CHSY1: variants seen among roughly 807,000 people sequenced by gnomAD.
CHSY1 encodes N-acetylgalactosaminyl-proteoglycan 3-beta-glucuronosyltransferase 1.
CHSY1 carries 13 observed loss-of-function variants against 59.8 expected under a neutral mutation model. The ratio of observed to expected loss-of-function variants is 0.22; its 90% confidence interval spans 0.14 to 0.35. The LOEUF is 0.35. CHSY1 is among the 10% of genes least tolerant of loss of function. CHSY1 has a pLI of 1.00. For missense variants in CHSY1, 947 were observed against 1,030.6 expected (o/e 0.92, Z 1.11); for synonymous variants, 459 against 401.2 (o/e 1.14, Z -1.72).
chr15:101,231,059 C>G (rs2038887796), intron 2 of CHSY1, among the ~76,000 whole-genome samples: 2 of 152,078 alleles, frequency 1.3e-5, no homozygotes, highest in Admixed American at 6.5e-5. Context: ...CCTTCCAGGC[C>G]TAGAGTGGTA....
At chr15:101,231,903 T>C (rs1304142587) in intron 2 of CHSY1, among the ~76,000 whole-genome samples, 1 of 152,230 alleles carries the variant, frequency 6.6e-6, no homozygotes, top group African/African-American at 2.4e-5. Context: ...GCTGACACCA[T>C]GTGGCAAGGG....
intron 2 of CHSY1, among the ~76,000 whole-genome samples, chr15:101,183,448 G>A (rs1026153622): frequency 2.0e-5 from 3 of 152,186 alleles, no homozygotes; most frequent in Non-Finnish European, 4.4e-5. Context: ...CTTCAGAAGT[G>A]GGAGGAGTGG....
At chr15:101,208,225 T>C (rs1037230968) in intron 2 of CHSY1, among the ~76,000 whole-genome samples, 4 of 151,622 alleles carry the variant, frequency 2.6e-5, no homozygotes, top group Admixed American at 6.6e-5. Flanking sequence ...TGCTCAGGAG[T>C]GGGCCAGCCA....
intron 2 of CHSY1, among the ~76,000 whole-genome samples, chr15:101,207,441 A>G (rs1250587668): frequency 6.6e-6 from 1 of 152,192 alleles, no homozygotes; most frequent in African/African-American, 2.4e-5. Context: ...AATACCTTCT[A>G]GTATGTTATA....
In CHSY1 at chr15:101,235,519, T is replaced by G. The variant is rs757871506; in HGVS notation, c.379A>C (p.Thr127Pro). ...GGCACTACTGGAATTGGTACAGATGTGTCAGAACCCTCACTTGAGAAGAAC... is the reference window on the plus strand; with the variant it reads ...GGCACTACTGGAATTGGTACAGATGGGTCAGAACCCTCACTTGAGAAGAAC... ...VQFFSSEGSD[T>P]SVPIPVVPLR... Residue 127 changes from threonine to proline, a missense_variant, in exon 2 of 3, where the codon ACA (threonine) becomes CCA (proline). By Grantham distance (38) the Thr-to-Pro change is conservative. Around this residue, in one of 4 missense-constraint regions of CHSY1, gnomAD observed 232 missense variants for 188.5 expected, o/e 1.23. Coordinates refer to ENST00000254190, the MANE Select transcript of CHSY1 (RefSeq NM_014918.5). The G allele has an allele frequency of 6.2e-7, 1 of 1,613,874 alleles. No individual in the cohort carries two copies. Among genetic ancestry groups the G allele is most frequent in the Non-Finnish European group, 8.5e-7 (1 of 1,179,982 alleles).
At chr15:101,232,371 G>C (rs1287998971) in intron 2 of CHSY1, among the ~76,000 whole-genome samples, 1 of 152,120 alleles carries the variant, frequency 6.6e-6, no homozygotes, top group Admixed American at 6.5e-5. Flanking sequence ...TGAACACAAT[G>C]ATAAACCTAA....
chr15:101,248,123 A>G (rs2039069179), intron 1 of CHSY1, among the ~76,000 whole-genome samples: 2 of 152,346 alleles, frequency 1.3e-5, no homozygotes, highest in South Asian at 4.1e-4. Flanking sequence ...TGTAAAGCTC[A>G]GCACATCGAT....
At chr15:101,190,588 C>T (rs1012315328) in intron 2 of CHSY1, among the ~76,000 whole-genome samples, 1 of 152,208 alleles carries the variant, frequency 6.6e-6, no homozygotes, top group Non-Finnish European at 1.5e-5. Context: ...CAAAGACACA[C>T]TCCATGTAAG....
In CHSY1 at chr15:101,232,791, G is replaced by A. The variant is rs1174860728; in HGVS notation, c.816+2291C>T. On this transcript the variant is annotated intron_variant, in intron 2 of 2. Transcript: ENST00000254190. ...GAAATACGGGCCAAGACTACGAACAGGCAAGGCAGCTCACAGAAGAGAAAA... is the reference window on the plus strand; with the variant it reads ...GAAATACGGGCCAAGACTACGAACAAGCAAGGCAGCTCACAGAAGAGAAAA... Among the ~76,000 whole-genome samples, 3 of 152,340 alleles carry A rather than the reference G, an allele frequency of 2.0e-5. No individual in the cohort carries two copies. In the East Asian group the frequency reaches 5.8e-4, roughly 29 times the overall value.
chr15:101,249,797 G>A (rs1318194701), intron 1 of CHSY1, among the ~76,000 whole-genome samples: 1 of 152,166 alleles, frequency 6.6e-6, no homozygotes, highest in Non-Finnish European at 1.5e-5. Context: ...TTACAGGCGT[G>A]AGCCACGGCG....
chr15:101,190,490 A>C (rs1182619229), intron 2 of CHSY1, among the ~76,000 whole-genome samples: 2 of 152,232 alleles, frequency 1.3e-5, no homozygotes, highest in African/African-American at 4.8e-5. Context: ...GCCTAAATGC[A>C]AAAGGCAAAA....
chr15:101,216,534 A>T (rs1263509479), intron 2 of CHSY1, among the ~76,000 whole-genome samples: 1 of 152,270 alleles, frequency 6.6e-6, no homozygotes, highest in Admixed American at 6.5e-5. Flanking sequence ...ATGGAATAAT[A>T]TTCAGTGATT....
chr15:101,200,673 G>A (rs1420513299), intron 2 of CHSY1, among the ~76,000 whole-genome samples: 2 of 152,128 alleles, frequency 1.3e-5, no homozygotes, highest in East Asian at 3.8e-4. Flanking sequence ...TCTGCAGCCC[G>A]CAAGCAAGCC....
At chr15:101,221,860 C>T (rs1243685305) in intron 2 of CHSY1, among the ~76,000 whole-genome samples, 1 of 150,106 alleles carries the variant, frequency 6.7e-6, no homozygotes, top group Admixed American at 6.6e-5. Flanking sequence ...AATTGCTAGA[C>T]ATCCAAGAAA....
intron 2 of CHSY1, among the ~76,000 whole-genome samples, chr15:101,194,023 G>T (rs1331654196): frequency 4.6e-5 from 7 of 152,226 alleles, no homozygotes; most frequent in African/African-American, 1.7e-4. Flanking sequence ...CAGATGCCCT[G>T]GCCTTGGCCA....
At chr15:101,244,130 T>C (rs2039029009) in intron 1 of CHSY1, among the ~76,000 whole-genome samples, 1 of 152,220 alleles carries the variant, frequency 6.6e-6, no homozygotes, top group Admixed American at 6.5e-5. Flanking sequence ...GGTGAGAAGA[T>C]GGACAGCTTT....
At position 101,177,515 on chromosome 15, in the gene CHSY1, T is replaced by C; in HGVS notation, c.2282A>G (p.Lys761Arg). 6.2e-7 allele frequency: 1 copy of C among 1,613,648 alleles called. No individual in the cohort carries two copies. The highest frequency in any genetic ancestry group is 2.2e-5 in the East Asian group (1 of 44,878). Reference sequence around the variant, plus strand: ...CGATGCTTTGGACCCCAAGCACATTTTGTACTGTTTGGGGTCAAGATTGGG... The same window carrying C: ...CGATGCTTTGGACCCCAAGCACATTCTGTACTGTTTGGGGTCAAGATTGGG... ...CDPNLDPKQY[K>R]MCLGSKASTY... Residue 761 changes from lysine to arginine, a missense_variant, in exon 3 of 3, where the codon AAA becomes AGA. Lys to Arg is a conservative substitution (Grantham distance 26). Coordinates refer to ENST00000254190, the MANE Select transcript of CHSY1 (RefSeq NM_014918.5).
intron 1 of CHSY1, among the ~76,000 whole-genome samples, chr15:101,239,524 T>G (rs911063275): frequency 2.6e-5 from 4 of 152,192 alleles, no homozygotes; most frequent in Non-Finnish European, 2.9e-5. Context: ...GGGGTTGTTG[T>G]GAGGGTTAAA....
intron 1 of CHSY1, among the ~76,000 whole-genome samples, chr15:101,236,484 A>G (rs185742644): frequency 1.5e-3 from 228 of 152,128 alleles, no homozygotes; most frequent in Middle Eastern, 0.01. Context: ...TTCCACCATG[A>G]TTGTGAGGCC....
Sources: allele counts gnomAD v4.1 joint callset (sites outside exome capture counted in the v4.1 genomes callset), GRCh38; gene constraint gnomAD v4.1.1; regional missense constraint gnomAD v4.1.1; transcripts MANE v1.5; gene names NCBI Gene and HGNC (gene_info 2026-07-23, HGNC 2026-07-21).